CADM2: variants seen among roughly 807,000 people sequenced by gnomAD.
CADM2 encodes the protein immunoglobulin superfamily member 4D.
A neutral mutation model predicts 49.8 loss-of-function variants in CADM2; 12 were observed. The ratio of observed to expected loss-of-function variants is 0.24; its 90% confidence interval spans 0.15 to 0.39. CADM2 has a LOEUF of 0.39. CADM2 is among the 10% of genes least tolerant of loss of function. The pLI, the probability that CADM2 is intolerant of heterozygous loss-of-function variation, is 1.00. For missense variants in CADM2, 378 were observed against 492.3 expected (o/e 0.77, Z 2.20); for synonymous variants, 214 against 175.4 (o/e 1.22, Z -1.74).
chr3:85,149,769 T>A lies in CADM2; in HGVS notation c.61+190101T>A, dbSNP rs531673585. Among the ~76,000 whole-genome samples the A allele has an allele frequency of 2.1e-4, 32 of 152,304 alleles. No homozygotes were observed. The South Asian group carries it at 6.6e-3, about 32-fold the overall frequency. ...TAAATTGTAGCGTTATAGACACGTTTTATTTTATTTTTAAAAGCTTCCATT... is the reference window on the plus strand; with the variant it reads ...TAAATTGTAGCGTTATAGACACGTTATATTTTATTTTTAAAAGCTTCCATT... On this transcript the variant is annotated intron_variant, in intron 1 of 9. Transcript: ENST00000383699.
At chr3:85,486,689 A>G (rs1351376595) in intron 1 of CADM2, among the ~76,000 whole-genome samples, 1 of 127,222 alleles carries the variant, frequency 7.9e-6, no homozygotes, top group African/African-American at 2.5e-5. Context: ...ATAGATGTAT[A>G]ATAGGGAGAC....
chr3:86,047,388 A>G (rs929777430), intron 8 of CADM2, among the ~76,000 whole-genome samples: 2 of 152,294 alleles, frequency 1.3e-5, no homozygotes, highest in Admixed American at 6.5e-5. Flanking sequence ...AGCTTTTATC[A>G]TATTTATTTA....
chr3:85,908,254 C>CTTTCTT (rs1377803079), intron 5 of CADM2, among the ~76,000 whole-genome samples: 5 of 65,776 alleles, frequency 7.6e-5, no homozygotes, highest in South Asian at 5.0e-4. Flanking sequence ...TTTTTTTCTT[C>CTTTCTT]TTTTTTTTTT....
At chr3:85,249,034 T>A (rs973661645) in intron 1 of CADM2, among the ~76,000 whole-genome samples, 4 of 152,138 alleles carry the variant, frequency 2.6e-5, no homozygotes, top group Admixed American at 6.6e-5. Flanking sequence ...CTTCAAGAAA[T>A]TTTTTTGTCA....
intron 1 of CADM2, among the ~76,000 whole-genome samples, chr3:85,426,198 G>C (rs1233465475): frequency 6.6e-6 from 1 of 151,238 alleles, no homozygotes; most frequent in Admixed American, 6.6e-5. Context: ...CTTGAGAGTA[G>C]TGGCATGAAC....
chr3:85,206,691 GC>G (rs1386468416), intron 1 of CADM2, among the ~76,000 whole-genome samples: 6 of 151,882 alleles, frequency 4.0e-5, no homozygotes, highest in Non-Finnish European at 7.4e-5. Flanking sequence ...AAGAAGTTAT[GC>G]TTTTCATTGT....
intron 1 of CADM2, among the ~76,000 whole-genome samples, chr3:85,395,375 A>G (rs1489941945): frequency 2.0e-5 from 3 of 151,858 alleles, no homozygotes; most frequent in African/African-American, 4.8e-5. Flanking sequence ...TACCTCTTAG[A>G]GCATTATAAA....
At chr3:85,024,525 A>G (rs2034640739) in intron 1 of CADM2, among the ~76,000 whole-genome samples, 1 of 152,080 alleles carries the variant, frequency 6.6e-6, no homozygotes, top group Admixed American at 6.6e-5. Flanking sequence ...AGTATTTCAC[A>G]TTATTCTCTG....
chr3:86,050,184 G>T (rs942400211), intron 8 of CADM2, among the ~76,000 whole-genome samples: 2 of 152,164 alleles, frequency 1.3e-5, no homozygotes, highest in African/African-American at 4.8e-5. Context: ...AAAGAAAGGG[G>T]CTACAGGCCC....
intron 1 of CADM2, among the ~76,000 whole-genome samples, chr3:85,662,031 T>C (rs1559577611): frequency 6.6e-6 from 1 of 152,022 alleles, no homozygotes. Flanking sequence ...ATATTTGTGT[T>C]CTTTTGGGAC....
chr3:85,165,661 C>T (rs939244686), intron 1 of CADM2, among the ~76,000 whole-genome samples: 3 of 151,846 alleles, frequency 2.0e-5, no homozygotes, highest in Non-Finnish European at 3.0e-5. Flanking sequence ...ATAAATATCC[C>T]TGAAGACACA....
intron 1 of CADM2, among the ~76,000 whole-genome samples, chr3:85,508,344 G>A (rs1235266958): frequency 6.6e-6 from 1 of 152,070 alleles, no homozygotes; most frequent in Non-Finnish European, 1.5e-5. Context: ...CAGTTTCCTG[G>A]TCTCTGTCTT....
At chr3:85,870,228 TTTG>T (rs777971700) in intron 3 of CADM2, among the ~76,000 whole-genome samples, 14 of 151,924 alleles carry the variant, frequency 9.2e-5, no homozygotes, top group Non-Finnish European at 1.6e-4. Flanking sequence ...TAACTAACTT[TTTG>T]TTGTTGTTGA....
intron 1 of CADM2, among the ~76,000 whole-genome samples, chr3:85,154,534 A>G (rs554921781): frequency 8.5e-5 from 13 of 152,164 alleles, no homozygotes; most frequent in South Asian, 6.2e-4. Context: ...TATCCGTGAG[A>G]ACTTCCCCAA....
intron 3 of CADM2, among the ~76,000 whole-genome samples, chr3:85,832,350 A>G (rs2074222091): frequency 6.6e-6 from 1 of 151,922 alleles, no homozygotes; most frequent in Admixed American, 6.6e-5. Context: ...CAGTTCTGTG[A>G]AAAATGATGT....
chr3:85,790,918 T>C (rs1482857167), intron 2 of CADM2, among the ~76,000 whole-genome samples: 1 of 152,126 alleles, frequency 6.6e-6, no homozygotes, highest in African/African-American at 2.4e-5. Context: ...CTGGGCAGAA[T>C]GGTGGCACAG....
chr3:85,002,410 C>T lies in CADM2; in HGVS notation c.61+42742C>T, dbSNP rs569760306. ...TCTACATCCTTAGTTTTGTTAAAGT[C>T]AGTGTTATGAAGATCAGAATTGGAG... On this transcript the variant is annotated intron_variant, in intron 1 of 9. Transcript: ENST00000383699. Among the ~76,000 whole-genome samples, 3 of 152,108 alleles carry T rather than the reference C, an allele frequency of 2.0e-5. No homozygotes were observed. The South Asian group carries it at 6.2e-4, about 32-fold the overall frequency.
chr3:84,965,880 A>G (rs1250247961), intron 1 of CADM2, among the ~76,000 whole-genome samples: 1 of 152,186 alleles, frequency 6.6e-6, no homozygotes, highest in African/African-American at 2.4e-5. Flanking sequence ...TGTCACATCA[A>G]TAGAGAATGT....
At chr3:85,027,200 C>A (rs189270625) in intron 1 of CADM2, among the ~76,000 whole-genome samples, 1 of 139,786 alleles carries the variant, frequency 7.2e-6, no homozygotes, top group Admixed American at 7.8e-5. Context: ...CTGCAACCTC[C>A]GCCTCCCGGG....
Sources: allele counts gnomAD v4.1 joint callset (sites outside exome capture counted in the v4.1 genomes callset), GRCh38; gene constraint gnomAD v4.1.1; transcripts MANE v1.5; gene names NCBI Gene and HGNC (gene_info 2026-07-23, HGNC 2026-07-21).